The following VSIG1 variants were observed in gnomAD, a reference collection of about 807,000 sequenced individuals.
The protein encoded by VSIG1 is V-set and immunoglobulin domain containing 1, also known as V-set and immunoglobulin domain-containing protein 1.
VSIG1 carries 11 observed loss-of-function variants against 20.1 expected under a neutral mutation model. The ratio of observed to expected loss-of-function variants is 0.55; its 90% CI spans 0.34 to 0.91. The LOEUF (loss-of-function observed/expected upper bound fraction) is 0.91, where lower values mean the gene tolerates loss of function less well. VSIG1 is among the 40% of genes least tolerant of loss of function. VSIG1 has a pLI of 0.02. For missense variants in VSIG1, 283 were observed against 298.8 expected, an observed-to-expected ratio of 0.95 and a Z score of 0.39; for synonymous variants, 126 against 116.7, an observed-to-expected ratio of 1.08 and a Z score of -0.52.
intron 2 of VSIG1, among the ~76,000 whole-genome samples, chrX:108,062,423 T>G: frequency 9.0e-6 from 1 of 111,653 alleles, no homozygotes; most frequent in Non-Finnish European, 1.9e-5. Flanking sequence ...TGAGAAATAC[T>G]GCAAGTTCTT....
chrX:108,049,172 C>G (rs1373904530), intron 1 of VSIG1, among the ~76,000 whole-genome samples: 1 of 112,432 alleles, frequency 8.9e-6, no homozygotes. Flanking sequence ...TATTGTCTCA[C>G]TTTAAAATTT....
intron 1 of VSIG1, among the ~76,000 whole-genome samples, chrX:108,047,343 G>A (rs1396775116): frequency 9.0e-6 from 1 of 111,527 alleles, no homozygotes. Context: ...GAATTCTTAG[G>A]TTAAATTCTA....
intron 1 of VSIG1, among the ~76,000 whole-genome samples, chrX:108,047,361 A>G (rs546788407): frequency 8.9e-6 from 1 of 112,014 alleles, no homozygotes; most frequent in Middle Eastern, 4.6e-3. Context: ...CTAATTCAGG[A>G]AAACGAGTTT....
chrX:108,073,541 A>G (rs2031294578), intron 5 of VSIG1, 172 bp downstream of exon 5: 1 of 532,302 alleles, frequency 1.9e-6, no homozygotes. Flanking sequence ...TAATGCTCAC[A>G]TAATAATATA....
At chrX:108,020,474 A>G in the VSIG1 span, among the ~76,000 whole-genome samples, 1 of 111,730 alleles carries the variant, frequency 9.0e-6, no homozygotes, top group Admixed American at 9.5e-5. Flanking sequence ...CAGAGAGGTT[A>G]AATATCATCA....
chrX:108,077,198 G>A lies in VSIG1; in HGVS notation c.981G>A (p.Glu327=). The A allele has an allele frequency of 1.7e-6, 2 of 1,211,886 alleles. No homozygotes were observed. Among genetic ancestry groups the A allele is most frequent in the Non-Finnish European group, 2.2e-6 (2 of 895,566 alleles). ...EPDYEPKPTQ[E]PAPEPAPGSE... Reference sequence around the variant, plus strand: ...ACTATGAGCCAAAGCCTACTCAGGAGCCTGCCCCAGAGCCTGCCCCAGGAT... The same window carrying A: ...ACTATGAGCCAAAGCCTACTCAGGAACCTGCCCCAGAGCCTGCCCCAGGAT... The change falls in exon 7 of 7, where the codon GAG becomes GAA. Residue 327 remains glutamate (E), a synonymous_variant. Transcript: ENST00000217957.
chrX:108,063,432 G>A (rs755049506), intron 2 of VSIG1, among the ~76,000 whole-genome samples: 2 of 111,513 alleles, frequency 1.8e-5, no homozygotes, highest in African/African-American at 6.5e-5. Flanking sequence ...GGATGAATTC[G>A]AGTTTACTAA....
At chrX:108,047,955 CACACACAT>C (rs2030673598) in intron 1 of VSIG1, among the ~76,000 whole-genome samples, 4 of 13,739 alleles carry the variant, frequency 2.9e-4, no homozygotes, top group African/African-American at 2.3e-3. Context: ...TATATATATA[CACACACAT>C]ATATATATAT....
the VSIG1 span, among the ~76,000 whole-genome samples, chrX:108,029,519 T>C: frequency 8.9e-6 from 1 of 112,374 alleles, no homozygotes; most frequent in Non-Finnish European, 1.9e-5. Flanking sequence ...CTGAATAGCA[T>C]CTGATATATC....
In VSIG1 at chrX:108,047,887, CACACATATATATATAT is replaced by C. The variant is rs1189171067; in HGVS notation, c.49+2724_49+2739del. 4.5e-4 allele frequency among the ~76,000 whole-genome samples: 11 copies of C among 24,473 alleles called. No individual in the cohort carries two copies. In the East Asian group the frequency reaches 9.8e-3, roughly 22 times the overall value. 21.3% of individuals were successfully genotyped at this position (24,473 alleles called of 115,157 possible). ...ATATATATACACATATATATATATA[CACACATATATATATAT>C]ACACATATATATATACACATATATA... On this transcript the variant is annotated intron_variant, in intron 1 of 6. Coordinates refer to ENST00000217957, the MANE Select transcript of VSIG1 (RefSeq NM_182607.5).
the VSIG1 span, among the ~76,000 whole-genome samples, chrX:108,027,315 T>G: frequency 4.5e-5 from 5 of 112,193 alleles, no homozygotes; most frequent in African/African-American, 1.6e-4. Context: ...AATGGAATAT[T>G]ATTTGGCCAT....
At chrX:108,076,531 AT>A (rs1423444865) in intron 6 of VSIG1, among the ~76,000 whole-genome samples, 1 of 112,193 alleles carries the variant, frequency 8.9e-6, no homozygotes, top group Non-Finnish European at 1.9e-5. Context: ...ATAATTTTAA[AT>A]TTTTTTATGG....
intron 1 of VSIG1, among the ~76,000 whole-genome samples, chrX:108,056,173 AT>A (rs1243096168): frequency 9.0e-6 from 1 of 111,639 alleles, no homozygotes; most frequent in Non-Finnish European, 1.9e-5. Context: ...CAAAAACCCT[AT>A]TTCTAAATAA....
the VSIG1 span, among the ~76,000 whole-genome samples, chrX:108,029,030 G>A: frequency 9.0e-6 from 1 of 111,718 alleles, no homozygotes; most frequent in African/African-American, 3.2e-5. Context: ...AAGGGGAATT[G>A]CTTTATTTCA....
the VSIG1 span, among the ~76,000 whole-genome samples, chrX:108,032,721 A>G: frequency 9.0e-6 from 1 of 111,410 alleles, no homozygotes; most frequent in Admixed American, 9.5e-5. Flanking sequence ...GAGCATTTTT[A>G]GCATGTTTGA....
chrX:108,067,214 C>T, intron 3 of VSIG1, 80 bp downstream of exon 3: 1 of 1,006,461 alleles, frequency 9.9e-7, no homozygotes, highest in Non-Finnish European at 1.4e-6. Context: ...AGTTATGATG[C>T]CAATTAAGTC....
At position 108,077,102 on chromosome X, in the gene VSIG1, C is replaced by T. The variant is rs369763718; in HGVS notation, c.885C>T (p.Asp295=). ...AAAGCGAAGCAATGCCAAGAGAAGACGCTACCCAACTAGAAGTAACTCTAC... is the reference window on the plus strand; with the variant it reads ...AAAGCGAAGCAATGCCAAGAGAAGATGCTACCCAACTAGAAGTAACTCTAC... ...RGESEAMPRE[D]ATQLEVTLPS... is the part of the protein sequence containing the mutation. The change falls in exon 7 of 7, where the codon GAC becomes GAT. Residue 295 remains aspartate (D), a synonymous_variant. Coordinates refer to ENST00000217957, the MANE Select transcript of VSIG1 (RefSeq NM_182607.5). The T allele has an allele frequency of 6.2e-5, 75 of 1,210,107 alleles. No homozygotes were observed. Among genetic ancestry groups the T allele is most frequent in the South Asian group, 7.0e-5 (4 of 56,761 alleles).
chrX:108,039,650 A>G, the VSIG1 span, among the ~76,000 whole-genome samples: 1 of 111,188 alleles, frequency 9.0e-6, no homozygotes, highest in African/African-American at 3.3e-5. Context: ...AAGCAGGAAG[A>G]CCAGTTAGGA....
At chrX:108,069,841 G>A (rs2031203998) in intron 3 of VSIG1, among the ~76,000 whole-genome samples, 1 of 111,563 alleles carries the variant, frequency 9.0e-6, no homozygotes, top group Non-Finnish European at 1.9e-5. Context: ...AGAGCTATGA[G>A]GGCACAGGGG....
Sources: gnomAD v4.1 joint callset for allele counts (sites outside exome capture counted in the v4.1 genomes callset) on GRCh38, gnomAD v4.1.1 for gene constraint, MANE v1.5 for transcripts, NCBI Gene and HGNC (gene_info 2026-07-23, HGNC 2026-07-21) for gene names.